CLEC16A: variants seen among roughly 807,000 people sequenced by gnomAD.
CLEC16A encodes the protein C-type lectin domain containing 16A.
In CLEC16A, 51 loss-of-function variants were observed where a neutral mutation model predicts 109.5. The ratio of observed to expected loss-of-function variants is 0.47; its 90% confidence interval spans 0.37 to 0.59. The LOEUF (loss-of-function observed/expected upper bound fraction) is 0.59. Ranked by LOEUF, CLEC16A falls within the 20% of genes least tolerant of loss-of-function variation. The probability of loss-of-function intolerance (pLI) is 0.00; values close to 1 mark genes in which losing one functional copy is unlikely to be tolerated. For missense variants in CLEC16A, 1,339 were observed against 1,394.0 expected, an observed-to-expected ratio of 0.96 and a Z score of 0.63; for synonymous variants, 673 against 564.2, an observed-to-expected ratio of 1.19 and a Z score of -2.73.
chr16:11,018,653 G>T (rs1353351106), intron 11 of CLEC16A, among the ~76,000 whole-genome samples: 1 of 151,788 alleles, frequency 6.6e-6, no homozygotes, highest in Non-Finnish European at 1.5e-5. Context: ...GGAGGCTGAG[G>T]CAGGAGAATG....
chr16:11,042,854 AC>A (rs2047417342), intron 15 of CLEC16A, among the ~76,000 whole-genome samples: 1 of 150,924 alleles, frequency 6.6e-6, no homozygotes, highest in African/African-American at 2.4e-5. Context: ...GTGCACACAC[AC>A]ACACATATTA....
chr16:11,016,343 T>TC (rs2045747136), intron 11 of CLEC16A, among the ~76,000 whole-genome samples: 1 of 117,490 alleles, frequency 8.5e-6, no homozygotes. Context: ...CTCTTTTTTT[T>TC]CTTTTTTTTT....
chr16:11,145,545 A>G (rs929320233), intron 22 of CLEC16A, among the ~76,000 whole-genome samples: 1 of 152,216 alleles, frequency 6.6e-6, no homozygotes, highest in African/African-American at 2.4e-5. Context: ...TTTAAGCAGC[A>G]GAGAGTCAGG....
intron 15 of CLEC16A, among the ~76,000 whole-genome samples, chr16:11,043,257 AAAAC>A: frequency 6.6e-6 from 1 of 152,290 alleles, no homozygotes; most frequent in South Asian, 2.1e-4. Flanking sequence ...TATCTCTAAA[AAAAC>A]AAAAAAGATT....
chr16:11,077,513 C>T (rs1198029087), intron 19 of CLEC16A, among the ~76,000 whole-genome samples: 3 of 151,480 alleles, frequency 2.0e-5, no homozygotes, highest in Non-Finnish European at 4.4e-5. Context: ...AAACATTAGC[C>T]AGGCGTAGTG....
At chr16:10,995,845 T>A (rs181422144) in intron 10 of CLEC16A, among the ~76,000 whole-genome samples, 1 of 152,328 alleles carries the variant, frequency 6.6e-6, no homozygotes, top group Admixed American at 6.5e-5. Context: ...ACCTTTCTCC[T>A]ACTTCTCAAA....
intron 22 of CLEC16A, 181 bp downstream of exon 22, chr16:11,126,327 A>G: frequency 2.7e-6 from 4 of 1,488,852 alleles, no homozygotes; most frequent in Non-Finnish European, 3.6e-6. Flanking sequence ...CCCAAAATAA[A>G]TTTTGGCTTT....
Position 11,004,300 on chromosome 16 carries a change from C to T in CLEC16A, c.1303+995C>T, listed in dbSNP as rs530123840. ...ACAGCCACACAGCTGGGGTCTCTGC[C>T]CGTCGTCCTGGGCACTGGGGCTGGG... On this transcript the variant is annotated intron_variant, in intron 11 of 23. Coordinates refer to ENST00000409790, the MANE Select transcript of CLEC16A (RefSeq NM_015226.3). Among the ~76,000 whole-genome samples, 212 of 152,248 alleles carry T rather than the reference C, an allele frequency of 1.4e-3. 1 individual carries two copies. Among genetic ancestry groups the T allele is most frequent in the Middle Eastern group, 6.8e-3 (2 of 294 alleles).
At chr16:10,982,292 C>A (rs2043366452) in intron 9 of CLEC16A, among the ~76,000 whole-genome samples, 1 of 152,144 alleles carries the variant, frequency 6.6e-6, no homozygotes, top group South Asian at 2.1e-4. Flanking sequence ...CCTGGGTTTG[C>A]CTCTGTCTCG....
intron 7 of CLEC16A, among the ~76,000 whole-genome samples, chr16:10,974,813 G>T (rs1234477716): frequency 2.6e-5 from 4 of 152,218 alleles, no homozygotes; most frequent in African/African-American, 9.6e-5. Flanking sequence ...TACAAGCAAG[G>T]AAATGAAATC....
At chr16:11,021,335 T>C (rs913155418) in intron 12 of CLEC16A, among the ~76,000 whole-genome samples, 2 of 152,248 alleles carry the variant, frequency 1.3e-5, no homozygotes, top group Non-Finnish European at 1.5e-5. Context: ...TTTTAGATTT[T>C]GCTTCACAGC....
intron 22 of CLEC16A, chr16:11,156,623 C>A: frequency 1.5e-6 from 2 of 1,304,314 alleles, no homozygotes; most frequent in Middle Eastern, 2.1e-4. Context: ...CGCTCCCAAG[C>A]TTGCTAGTGC....
chr16:11,020,162 G>T, intron 11 of CLEC16A, 31 bp from the exon 12 acceptor site: 2 of 1,595,818 alleles, frequency 1.3e-6, no homozygotes, highest in South Asian at 1.1e-5. Flanking sequence ...AAGCTGTCTG[G>T]ACTCATCCCA....
intron 18 of CLEC16A, among the ~76,000 whole-genome samples, chr16:11,058,775 T>C (rs1351568766): frequency 6.6e-6 from 1 of 152,220 alleles, no homozygotes; most frequent in African/African-American, 2.4e-5. Flanking sequence ...GCCACACGTT[T>C]CTGTTTTCTT....
chr16:11,142,285 C>A (rs2053870843), intron 22 of CLEC16A, among the ~76,000 whole-genome samples: 2 of 152,242 alleles, frequency 1.3e-5, no homozygotes, highest in African/African-American at 2.4e-5. Context: ...TGACAAAATT[C>A]TTGGCCTTGC....
At position 10,961,035 on chromosome 16, in the gene CLEC16A, T is replaced by C. The variant is rs560418387; in HGVS notation, c.210-1420T>C. ...TTTAAAAAATCTAGGTTCATGGATT[T>C]TATGCTAGACCTACCCTGTCAATCC... On this transcript the variant is annotated intron_variant, in intron 2 of 23. Coordinates refer to ENST00000409790, the MANE Select transcript of CLEC16A (RefSeq NM_015226.3). The surrounding 1 kb of genome is among the most constrained non-coding windows in gnomAD (Gnocchi z 4.3). 1.2e-4 allele frequency among the ~76,000 whole-genome samples: 19 copies of C among 152,312 alleles called. No individual in the cohort carries two copies. In the East Asian group the frequency reaches 2.1e-3, roughly 17 times the overall value.
chr16:11,064,103 G>A (rs749217148), intron 19 of CLEC16A, among the ~76,000 whole-genome samples: 15 of 152,162 alleles, frequency 9.9e-5, no homozygotes, highest in Non-Finnish European at 1.8e-4. Flanking sequence ...TTACCATTTA[G>A]CTAAGTTTTA....
chr16:11,068,241 T>A (rs866786895), intron 19 of CLEC16A, among the ~76,000 whole-genome samples: 1 of 152,142 alleles, frequency 6.6e-6, no homozygotes, highest in African/African-American at 2.4e-5. Context: ...GGCAGAACAA[T>A]AAGGTGGATA....
intron 2 of CLEC16A, among the ~76,000 whole-genome samples, chr16:10,960,782 C>T (rs1226830022): frequency 5.9e-5 from 9 of 152,138 alleles, no homozygotes; most frequent in African/African-American, 1.9e-4. Context: ...AATATGGACT[C>T]GTGGATATTT....
Sources: allele counts gnomAD v4.1 joint callset (sites outside exome capture counted in the v4.1 genomes callset), GRCh38; gene constraint gnomAD v4.1.1; non-coding constraint Gnocchi (gnomAD v3.1); transcripts MANE v1.5; gene names NCBI Gene and HGNC (gene_info 2026-07-23, HGNC 2026-07-21).